Variants in CFAP43 observed in about 807,000 individuals in gnomAD.
The protein encoded by CFAP43 is cilia and flagella associated protein 43.
A neutral mutation model predicts 218.9 loss-of-function variants in CFAP43; 155 were observed. The ratio of observed to expected loss-of-function variants is 0.71; its 90% CI spans 0.62 to 0.81. The LOEUF (loss-of-function observed/expected upper bound fraction) is 0.81, where lower values mean the gene tolerates loss of function less well. Among genes scored for constraint, CFAP43 ranks in the 30% least tolerant of loss-of-function variants. The pLI, the probability that CFAP43 is intolerant of heterozygous loss-of-function variation, is 0.00. For synonymous variants in CFAP43, 645 were observed against 681.3 expected (o/e 0.95, Z 0.83); for missense variants, 1,778 against 1,954.3 (o/e 0.91, Z 1.70).
chr10:104,177,441 A>G (rs1308628458), intron 19 of CFAP43, among the ~76,000 whole-genome samples: 1 of 152,196 alleles, frequency 6.6e-6, no homozygotes, highest in East Asian at 1.9e-4. Context: ...GGAAACTGGG[A>G]GAATGAGGAC....
intron 34 of CFAP43, among the ~76,000 whole-genome samples, chr10:104,136,646 C>T (rs1311433029): frequency 1.3e-5 from 2 of 152,116 alleles, no homozygotes; most frequent in Admixed American, 6.6e-5. Context: ...GGATTACAGG[C>T]ATGAGCCACC....
At chr10:104,133,880 T>C in intron 34 of CFAP43, 96 bp from the exon 35 acceptor site, 2 of 1,146,786 alleles carry the variant, frequency 1.7e-6, no homozygotes, top group South Asian at 1.8e-5. Flanking sequence ...AATACTTGGG[T>C]CACAGAGATA....
chr10:104,180,657 G>C (rs2089803106), intron 17 of CFAP43, among the ~76,000 whole-genome samples: 1 of 152,006 alleles, frequency 6.6e-6, no homozygotes, highest in Non-Finnish European at 1.5e-5. Context: ...ATGTTAGCCA[G>C]GATGGTCTTG....
intron 19 of CFAP43, among the ~76,000 whole-genome samples, chr10:104,176,891 T>C (rs2089649676): frequency 6.6e-6 from 1 of 152,130 alleles, no homozygotes; most frequent in Non-Finnish European, 1.5e-5. Context: ...ACTCTAATTA[T>C]CATAAATACA....
chr10:104,187,082 C>A (rs1314469762), intron 14 of CFAP43, among the ~76,000 whole-genome samples: 1 of 152,114 alleles, frequency 6.6e-6, no homozygotes. Flanking sequence ...GTGTCATCTG[C>A]ATGTTTATCT....
At chr10:104,216,173 A>G (rs1297555507) in intron 3 of CFAP43, among the ~76,000 whole-genome samples, 1 of 152,194 alleles carries the variant, frequency 6.6e-6, no homozygotes, top group African/African-American at 2.4e-5. Context: ...ATCCCAGGAT[A>G]CCTGCATCCT....
Position 104,132,139 on chromosome 10 carries a change from GT to G in CFAP43, c.4653del (p.Glu1551AspfsTer7), listed in dbSNP as rs1489875672. ...ALISIQIGIM[E>X]QTIAVLDKMH... ...ACCTTATCTAAAACAGCAATGGTTT[GT>G]TCCATTATTCCAATCTGAATACTAA... On this transcript the variant is annotated frameshift_variant, in exon 36 of 38. Transcript: ENST00000357060. LOFTEE classifies it high-confidence loss of function. 1.2e-6 allele frequency: 2 copies of G among 1,604,754 alleles called. No homozygotes were observed. The highest frequency in any genetic ancestry group is 1.7e-6 in the Non-Finnish European group (2 of 1,176,292).
intron 18 of CFAP43, 21 bp from the exon 19 acceptor site, chr10:104,179,127 C>A: frequency 6.3e-7 from 1 of 1,577,518 alleles, no homozygotes; most frequent in Non-Finnish European, 8.7e-7. Context: ...ACAAGTATAT[C>A]ACTTAACAAA....
intron 3 of CFAP43, among the ~76,000 whole-genome samples, chr10:104,222,916 A>C (rs1300120092): frequency 6.6e-6 from 1 of 152,190 alleles, no homozygotes; most frequent in Non-Finnish European, 1.5e-5. Context: ...GAGTATAAAC[A>C]CCTCTAGGAT....
At chr10:104,220,665 C>T (rs968385811) in intron 3 of CFAP43, among the ~76,000 whole-genome samples, 3 of 152,142 alleles carry the variant, frequency 2.0e-5, no homozygotes, top group East Asian at 1.9e-4. Context: ...CAAGCCTCCT[C>T]GAACAAAAAC....
intron 34 of CFAP43, among the ~76,000 whole-genome samples, chr10:104,138,292 T>C (rs1219406776): frequency 6.6e-6 from 1 of 152,152 alleles, no homozygotes; most frequent in East Asian, 1.9e-4. Context: ...TGAGGGACAT[T>C]CCACAAAATA....
chr10:104,207,600 TAGGGAAAACC>T, intron 6 of CFAP43, 55 bp downstream of exon 6: 1 of 1,477,678 alleles, frequency 6.8e-7, no homozygotes, highest in Non-Finnish European at 9.1e-7. Flanking sequence ...AAGAGAAAAA[TAGGGAAAACC>T]AAAAAAACCA....
intron 28 of CFAP43, among the ~76,000 whole-genome samples, chr10:104,149,044 C>A (rs1317251555): frequency 6.6e-6 from 1 of 152,090 alleles, no homozygotes; most frequent in Non-Finnish European, 1.5e-5. Context: ...CCTTTCATTT[C>A]TTTTCCTCAT....
intron 19 of CFAP43, among the ~76,000 whole-genome samples, chr10:104,177,970 AC>A (rs1306698483): frequency 1.3e-5 from 2 of 152,232 alleles, no homozygotes. Context: ...AAAGCATCTG[AC>A]AGGTCTAGCA....
At chr10:104,179,450 T>A (rs1001335136) in intron 18 of CFAP43, among the ~76,000 whole-genome samples, 1 of 152,214 alleles carries the variant, frequency 6.6e-6, no homozygotes, top group Non-Finnish European at 1.5e-5. Context: ...CGAGCTGTAA[T>A]CAGTCAGTCA....
At chr10:104,194,062 C>T (rs1164184265) in intron 10 of CFAP43, 48 bp from the exon 11 acceptor site, 2 of 1,599,504 alleles carry the variant, frequency 1.3e-6, no homozygotes, top group South Asian at 2.2e-5. Flanking sequence ...GCCTGCTCTC[C>T]TACACGTAAG....
intron 18 of CFAP43, 116 bp from the exon 19 acceptor site, chr10:104,179,222 T>C (rs1013683490): frequency 7.3e-6 from 6 of 823,098 alleles, no homozygotes; most frequent in African/African-American, 5.2e-5. Flanking sequence ...TAAAGACTAA[T>C]ATAAAGTGTA....
intron 16 of CFAP43, 65 bp from the exon 17 acceptor site, chr10:104,182,578 T>G: frequency 1.4e-6 from 2 of 1,441,686 alleles, no homozygotes; most frequent in Non-Finnish European, 9.1e-7. Flanking sequence ...CACATTTAGC[T>G]GTATTATTTT....
chr10:104,212,189 A>G, intron 4 of CFAP43, 32 bp from the exon 5 acceptor site: 2 of 1,594,100 alleles, frequency 1.3e-6, no homozygotes, highest in Non-Finnish European at 1.7e-6. Context: ...GAACAATGAG[A>G]TGAACAGAAA....
Sources: gnomAD v4.1 joint callset for allele counts (sites outside exome capture counted in the v4.1 genomes callset) on GRCh38, gnomAD v4.1.1 for gene constraint, MANE v1.5 for transcripts, NCBI Gene and HGNC (gene_info 2026-07-23, HGNC 2026-07-21) for gene names.